ATP2A1: variants seen among roughly 807,000 people sequenced by gnomAD.
The protein encoded by ATP2A1 is ATPase sarcoplasmic/endoplasmic reticulum Ca2+ transporting 1, also known as sarcoplasmic/endoplasmic reticulum calcium ATPase 1.
Under a neutral mutation model 109.5 loss-of-function variants are expected in ATP2A1, and 83 were observed. The ratio of observed to expected loss-of-function variants is 0.76; its 90% CI spans 0.63 to 0.91. The LOEUF is 0.91. ATP2A1 is among the 40% of genes least tolerant of loss of function. ATP2A1 has a pLI of 0.00. For missense variants in ATP2A1, 1,101 were observed against 1,341.0 expected (o/e 0.82, Z 2.80); for synonymous variants, 505 against 537.6 (o/e 0.94, Z 0.84).
At chr16:28,889,690 T>A (rs1471716342) in intron 9 of ATP2A1, among the ~76,000 whole-genome samples, 1 of 152,162 alleles carries the variant, frequency 6.6e-6, no homozygotes, top group Non-Finnish European at 1.5e-5. Context: ...GCCTGTGAAG[T>A]AGATGGCTCT....
At chr16:28,892,858 A>C (rs1034907487) in intron 9 of ATP2A1, among the ~76,000 whole-genome samples, 3 of 152,164 alleles carry the variant, frequency 2.0e-5, no homozygotes, top group African/African-American at 7.2e-5. Context: ...CAGCCTGGCC[A>C]ACATGGCGAA....
chr16:28,891,632 C>G (rs1447054856), intron 9 of ATP2A1, among the ~76,000 whole-genome samples: 1 of 140,766 alleles, frequency 7.1e-6, no homozygotes. Context: ...TGGCTCACAC[C>G]TGTAATCCTA....
At chr16:28,900,042 C>T (rs1349560463) in intron 14 of ATP2A1, among the ~76,000 whole-genome samples, 3 of 150,472 alleles carry the variant, frequency 2.0e-5, no homozygotes, top group Non-Finnish European at 4.4e-5. Context: ...TGCCTGTAAT[C>T]GCAGCACATT....
Position 28,880,093 on chromosome 16 carries a change from C to T in ATP2A1, c.219+510C>T, listed in dbSNP as rs1249951477. ...TGATGACTCCAAGGAGCCCGGCGCCCGGTCAGGGAGGGCACTGGCATCCCT... is the reference window on the plus strand; with the variant it reads ...TGATGACTCCAAGGAGCCCGGCGCCTGGTCAGGGAGGGCACTGGCATCCCT... On this transcript the variant is annotated intron_variant, in intron 3 of 22. Coordinates refer to ENST00000395503, the MANE Select transcript of ATP2A1 (RefSeq NM_004320.6). The surrounding 1 kb of genome is among the most constrained non-coding windows in gnomAD (Gnocchi z 4.2). The T allele has an allele frequency of 1.0e-6, 1 of 996,402 alleles. No homozygotes were observed. Among genetic ancestry groups the T allele is most frequent in the Non-Finnish European group, 1.2e-6 (1 of 838,644 alleles). The allele number at this position is 996,402 out of a possible 1,614,324, so 61.7% of individuals were successfully genotyped here. A position where few individuals can be genotyped will look rare whatever the true frequency, so the allele number is the denominator to read the frequency against.
intron 3 of ATP2A1, chr16:28,879,964 T>G: frequency 1.0e-6 from 1 of 1,003,288 alleles, no homozygotes; most frequent in Non-Finnish European, 1.2e-6. Flanking sequence ...GCTCCACCAA[T>G]CCCCGCGCCC....
intron 6 of ATP2A1, among the ~76,000 whole-genome samples, chr16:28,885,314 G>C (rs576811052): frequency 1.9e-4 from 29 of 151,538 alleles, no homozygotes; most frequent in Non-Finnish European, 3.8e-4. Flanking sequence ...TGGCTCGCTA[G>C]TAGTGGCTGT....
At position 28,887,834 on chromosome 16, in the gene ATP2A1, T is replaced by C. The variant is rs1029764440; in HGVS notation, c.928+112T>C. On this transcript the variant is annotated intron_variant, in intron 8 of 22. Coordinates refer to ENST00000395503, the MANE Select transcript of ATP2A1 (RefSeq NM_004320.6). ...TTTGTTTTTTGAGATGGAGTCTTGC[T>C]CTGTCACCCAGGCTGGAGTGCAGTG... is the stretch of plus-strand genomic sequence containing the variant. The C allele has an allele frequency of 2.7e-5, 37 of 1,387,260 alleles. No homozygotes were observed. The African/African-American group carries it at 5.2e-4, about 19-fold the overall frequency. The allele number at this position is 1,387,260 out of a possible 1,614,324, so 85.9% of individuals were successfully genotyped here. A position where few individuals can be genotyped will look rare whatever the true frequency, so the allele number is the denominator to read the frequency against.
At position 28,902,670 on chromosome 16, in the gene ATP2A1, G is replaced by T. The variant is rs773238773; in HGVS notation, c.2610+5G>T. On this transcript the variant is annotated splice_donor_5th_base_variant and intron_variant, in intron 18 of 22. Transcript: ENST00000395503. This position sits in a 1 kb window ranked among gnomAD's most constrained non-coding sequence, Gnocchi z 4.8. The stretch of plus-strand genomic sequence containing the variant: ...CATGTCAACTACAGCCAGCTGGTAG[G>T]GGGAGGCCACAAAGGAGGGGACCAG... 6.2e-7 allele frequency: 1 copy of T among 1,614,040 alleles called. No individual in the cohort carries two copies. Among genetic ancestry groups the T allele is most frequent in the South Asian group, 1.1e-5 (1 of 91,082 alleles).
chr16:28,887,236 C>A lies in ATP2A1; in HGVS notation c.592C>A (p.Arg198=). The A allele has an allele frequency of 6.2e-7, 1 of 1,613,862 alleles. No individual in the cohort carries two copies. Among genetic ancestry groups the A allele is most frequent in the Non-Finnish European group, 8.5e-7 (1 of 1,179,990 alleles). The stretch of plus-strand genomic sequence containing the variant: ...ACACACGGAGCCCGTTCCTGACCCC[C>A]GAGCTGTCAACCAGGACAAGAAGAA... ...IKHTEPVPDP[R]AVNQDKKNML... Residue 198 remains arginine, a synonymous_variant, in exon 7 of 23, where the codon CGA becomes AGA. Coordinates refer to ENST00000395503, the MANE Select transcript of ATP2A1 (RefSeq NM_004320.6).
At chr16:28,888,695 G>A (rs796982920) in intron 8 of ATP2A1, 92 bp from the exon 9 acceptor site, 8 of 1,464,874 alleles carry the variant, frequency 5.5e-6, no homozygotes, top group Admixed American at 3.5e-5. Context: ...GTGCACCAAC[G>A]TGCCCAGCTG....
Position 28,894,200 on chromosome 16 carries a change from G to A in ATP2A1, c.1141G>A (p.Glu381Lys), listed in dbSNP as rs768227607. Residue 381 changes from glutamate (E) to lysine (K), a missense_variant, in exon 10 of 23, where the codon GAG becomes AAG. By Grantham distance (56) the Glu-to-Lys change is moderately conservative. Transcript: ENST00000395503. ...GGATGGGGACATCTGCCTCCTGAATGAGTTCTCCATCACCGGCTCCACTTA... is the reference window on the plus strand; with the variant it reads ...GGATGGGGACATCTGCCTCCTGAATAAGTTCTCCATCACCGGCTCCACTTA... ...KVDGDICLLNEFSITGSTYAP... is the reference protein window; with the variant it reads ...KVDGDICLLNKFSITGSTYAP... 12 of 1,614,024 alleles carry A rather than the reference G, an allele frequency of 7.4e-6. No homozygotes were observed. Among genetic ancestry groups the A allele is most frequent in the South Asian group, 6.6e-5 (6 of 91,062 alleles).
intron 12 of ATP2A1, among the ~76,000 whole-genome samples, chr16:28,896,259 C>T (rs1014299833): frequency 6.6e-6 from 1 of 152,040 alleles, no homozygotes; most frequent in African/African-American, 2.4e-5. Context: ...GAGAGTCTTG[C>T]GGTGTCACAC....
chr16:28,900,079 G>A (rs928412780), intron 14 of ATP2A1, among the ~76,000 whole-genome samples: 1 of 151,170 alleles, frequency 6.6e-6, no homozygotes, highest in Admixed American at 6.6e-5. Context: ...AGGATCTGTT[G>A]AGCCCAGGAG....
chr16:28,900,710 G>C lies in ATP2A1; in HGVS notation c.1894G>C (p.Ala632Pro). 6.2e-7 allele frequency: 1 copy of C among 1,614,172 alleles called. No individual in the cohort carries two copies. Among genetic ancestry groups the C allele is most frequent in the Non-Finnish European group, 8.5e-7 (1 of 1,180,016 alleles). ...IMITGDNKGT[A>P]IAICRRIGIF... Reference sequence around the variant, plus strand: ...GATCACTGGGGACAACAAGGGCACAGCCATTGCCATCTGCCGGCGAATTGG... The same window carrying C: ...GATCACTGGGGACAACAAGGGCACACCCATTGCCATCTGCCGGCGAATTGG... Residue 632 changes from alanine to proline, a missense_variant, in exon 15 of 23, where the codon GCC becomes CCC. Physicochemically the swap from Ala to Pro is conservative, Grantham distance 27. Coordinates refer to ENST00000395503, the MANE Select transcript of ATP2A1 (RefSeq NM_004320.6).
intron 9 of ATP2A1, among the ~76,000 whole-genome samples, chr16:28,893,905 A>C (rs1020533503): frequency 1.3e-5 from 2 of 151,926 alleles, no homozygotes; most frequent in Non-Finnish European, 2.9e-5. Context: ...TCAGCCTCCT[A>C]AAGTGCTGGG....
At chr16:28,886,450 T>C (rs541610530) in intron 6 of ATP2A1, among the ~76,000 whole-genome samples, 1 of 152,260 alleles carries the variant, frequency 6.6e-6, no homozygotes, top group South Asian at 2.1e-4. Flanking sequence ...CCAGGCTTGC[T>C]GCTGAGCCCC....
intron 4 of ATP2A1, 82 bp downstream of exon 4, chr16:28,881,101 A>G (rs987890535): frequency 3.0e-6 from 4 of 1,351,212 alleles, no homozygotes; most frequent in Non-Finnish European, 3.2e-6. Context: ...CTCCTCCTCC[A>G]TCACCTCCCC....
intron 6 of ATP2A1, 112 bp from the exon 7 acceptor site, chr16:28,887,077 C>A: frequency 9.2e-7 from 1 of 1,083,934 alleles, no homozygotes; most frequent in Non-Finnish European, 1.4e-6. Flanking sequence ...CCCAGGATGG[C>A]TACTTGGTCC....
chr16:28,894,266 C>T, intron 10 of ATP2A1, 23 bp downstream of exon 10: 1 of 1,606,426 alleles, frequency 6.2e-7, no homozygotes, highest in Non-Finnish European at 8.5e-7. Flanking sequence ...GGCATCTTCT[C>T]CCCAGCTCCT....
Sources: allele counts gnomAD v4.1 joint callset (sites outside exome capture counted in the v4.1 genomes callset), GRCh38; gene constraint gnomAD v4.1.1; non-coding constraint Gnocchi (gnomAD v3.1); transcripts MANE v1.5; gene names NCBI Gene and HGNC (gene_info 2026-07-23, HGNC 2026-07-21).